The following FCHO2 variants were observed in gnomAD, a reference collection of about 807,000 sequenced individuals.
FCHO2 encodes FCH and mu domain containing endocytic adaptor 2.
In FCHO2, 43 loss-of-function variants were observed where a neutral mutation model predicts 114.1. The ratio of observed to expected loss-of-function variants is 0.38; its 90% confidence interval spans 0.30 to 0.49. FCHO2 has a LOEUF of 0.49. Among genes scored for constraint, FCHO2 ranks in the 20% least tolerant of loss-of-function variants. The pLI is 0.97. For missense variants in FCHO2, 807 were observed against 950.4 expected (o/e 0.85, Z 1.98); for synonymous variants, 293 against 315.2 (o/e 0.93, Z 0.75).
rs199818065 is a variant in FCHO2, at chr5:73,087,699, G to A, written c.2356G>A (p.Glu786Lys). 4.1e-4 allele frequency: 668 copies of A among 1,613,066 alleles called. 1 individual carries two copies. Among genetic ancestry groups the A allele is most frequent in the Admixed American group, 8.5e-4 (51 of 59,900 alleles). ...EGSTLSGVDFELVGTGYRLSL... is the reference protein window; with the variant it reads ...EGSTLSGVDFKLVGTGYRLSL... ...AAGTACCCTTTCAGGAGTAGATTTCGAACTTGTGGGCACTGGCTATAGGCT... is the reference window on the plus strand; with the variant it reads ...AAGTACCCTTTCAGGAGTAGATTTCAAACTTGTGGGCACTGGCTATAGGCT... Residue 786 changes from glutamate (E) to lysine (K), a missense_variant, in exon 25 of 26, where the codon GAA (glutamate) becomes AAA (lysine). Glu to Lys is a moderately conservative substitution (Grantham distance 56). Transcript: ENST00000430046.
intron 2 of FCHO2, among the ~76,000 whole-genome samples, chr5:72,981,564 A>G (rs1490573336): frequency 6.6e-6 from 1 of 152,160 alleles, no homozygotes; most frequent in Admixed American, 6.5e-5. Context: ...CATTCTCCCC[A>G]TCACTTTCAG....
chr5:73,043,642 T>A (rs1442839444), intron 11 of FCHO2, among the ~76,000 whole-genome samples: 2 of 152,242 alleles, frequency 1.3e-5, no homozygotes, highest in Admixed American at 1.3e-4. Flanking sequence ...GGGTAATAGA[T>A]GTTATAAAGG....
chr5:73,051,071 T>C, intron 11 of FCHO2: 3 of 335,816 alleles, frequency 8.9e-6, no homozygotes, highest in East Asian at 7.8e-5. Flanking sequence ...TCTGAATTGG[T>C]CCCCACCTCA....
intron 2 of FCHO2, among the ~76,000 whole-genome samples, chr5:72,976,696 A>G (rs1186277510): frequency 1.3e-5 from 2 of 152,048 alleles, no homozygotes; most frequent in Non-Finnish European, 2.9e-5. Flanking sequence ...ATAGGTATAC[A>G]TGTGCCATGG....
intron 19 of FCHO2, among the ~76,000 whole-genome samples, chr5:73,073,200 C>T (rs1742744120): frequency 6.6e-6 from 1 of 152,002 alleles, no homozygotes; most frequent in African/African-American, 2.4e-5. Flanking sequence ...TCACCTGATC[C>T]AAACTTGATT....
Position 72,992,704 on chromosome 5 carries a change from G to A in FCHO2, c.495+1840G>A, listed in dbSNP as rs888274001. 3.3e-5 allele frequency among the ~76,000 whole-genome samples: 5 copies of A among 152,158 alleles called. No individual in the cohort carries two copies. The South Asian group carries it at 1.0e-3, about 32-fold the overall frequency. Reference sequence around the variant, plus strand: ...AGACACAATCCTGACTTGAAATCAAGCCAAGGAATCATTTCATGACTATTT... The same window carrying A: ...AGACACAATCCTGACTTGAAATCAAACCAAGGAATCATTTCATGACTATTT... On this transcript the variant is annotated intron_variant, in intron 5 of 25. Coordinates refer to ENST00000430046, the MANE Select transcript of FCHO2 (RefSeq NM_138782.3).
intron 1 of FCHO2, among the ~76,000 whole-genome samples, chr5:72,958,115 G>T (rs1751655231): frequency 6.7e-6 from 1 of 150,044 alleles, no homozygotes; most frequent in Non-Finnish European, 1.5e-5. Flanking sequence ...CTCCCATTCT[G>T]TGGCCTGCCT....
intron 2 of FCHO2, among the ~76,000 whole-genome samples, chr5:72,982,565 G>A (rs1187254634): frequency 6.6e-6 from 1 of 152,098 alleles, no homozygotes; most frequent in African/African-American, 2.4e-5. Flanking sequence ...TTTGGGTTTG[G>A]AATACCTTTA....
chr5:73,050,825 C>T (rs1055766668), intron 11 of FCHO2, among the ~76,000 whole-genome samples: 1 of 152,116 alleles, frequency 6.6e-6, no homozygotes, highest in African/African-American at 2.4e-5. Flanking sequence ...TCTCATGACA[C>T]ACATGGTGTC....
chr5:72,974,560 A>G (rs1383187825), intron 2 of FCHO2, among the ~76,000 whole-genome samples: 1 of 151,152 alleles, frequency 6.6e-6, no homozygotes, highest in Non-Finnish European at 1.5e-5. Context: ...TGCTTGGTAG[A>G]TCTTCCTCCA....
intron 1 of FCHO2, among the ~76,000 whole-genome samples, chr5:72,956,878 T>A (rs748959716): frequency 2.0e-5 from 3 of 151,704 alleles, no homozygotes; most frequent in Non-Finnish European, 4.4e-5. Context: ...CCCGGTGGAG[T>A]ATTTTTCTGC....
intron 19 of FCHO2, among the ~76,000 whole-genome samples, chr5:73,074,243 T>G (rs1249720064): frequency 6.6e-6 from 1 of 151,712 alleles, no homozygotes; most frequent in Non-Finnish European, 1.5e-5. Flanking sequence ...TGAGGCAAAG[T>G]AATGTGGGAA....
intron 19 of FCHO2, among the ~76,000 whole-genome samples, chr5:73,073,663 T>C (rs1742776590): frequency 6.6e-6 from 1 of 152,072 alleles, no homozygotes; most frequent in Non-Finnish European, 1.5e-5. Flanking sequence ...ATCTCAGATT[T>C]AGTTGTGAGG....
chr5:72,972,934 G>A (rs1022089464), intron 2 of FCHO2, among the ~76,000 whole-genome samples: 1 of 152,138 alleles, frequency 6.6e-6, no homozygotes, highest in Admixed American at 6.5e-5. Flanking sequence ...TTTGTCAAAG[G>A]CCTTTTCTGC....
intron 17 of FCHO2, among the ~76,000 whole-genome samples, chr5:73,063,084 CCTT>C (rs1471014896): frequency 1.3e-5 from 2 of 151,764 alleles, no homozygotes; most frequent in Admixed American, 6.6e-5. Flanking sequence ...TTTTTTTACT[CCTT>C]CTTTGATTAT....
At chr5:72,979,452 C>A (rs576262558) in intron 2 of FCHO2, among the ~76,000 whole-genome samples, 2 of 115,524 alleles carry the variant, frequency 1.7e-5, no homozygotes, top group South Asian at 3.1e-4. Flanking sequence ...AGTGCAGTGG[C>A]GCGATCTCGG....
At chr5:73,017,373 C>A (rs1755361958) in intron 8 of FCHO2, 65 bp downstream of exon 8, 1 of 1,014,852 alleles carries the variant, frequency 9.9e-7, no homozygotes, top group Non-Finnish European at 1.4e-6. Flanking sequence ...ACATATTTGC[C>A]TTGAAGATCA....
rs1270677682 is a variant in FCHO2 at position 73,017,248 on chromosome 5, A to G, written c.736A>G (p.Thr246Ala). The G allele has an allele frequency of 2.6e-6, 4 of 1,561,040 alleles. No homozygotes were observed. Among genetic ancestry groups the G allele is most frequent in the African/African-American group, 2.7e-5 (2 of 73,410 alleles). Residue 246 changes from threonine (T) to alanine (A), a missense_variant, in exon 8 of 26, where the codon ACA becomes GCA. Transcript: ENST00000430046. Reference protein sequence around the residue: ...EEFINNMANTTVESLIQKFAE... With the variant: ...EEFINNMANTAVESLIQKFAE... ...ATTTATAAATAACATGGCTAATACT[A>G]CAGTTGAAAGTTTGATACAAAAATT...
In FCHO2 at chr5:73,006,560, T is replaced by C; in HGVS notation, c.600+11T>C. The C allele has an allele frequency of 6.7e-7, 1 of 1,488,470 alleles. No individual in the cohort carries two copies. The highest frequency in any genetic ancestry group is 1.4e-5 in the South Asian group (1 of 70,944). 92.2% of individuals were successfully genotyped at this position (1,488,470 alleles called of 1,614,324 possible). A position where few individuals can be genotyped will look rare whatever the true frequency, so the allele number is the denominator to read the frequency against. On this transcript the variant is annotated intron_variant, in intron 6 of 25. Transcript: ENST00000430046. ...ACAGAAACAGCTCAGGTTGGTATTTTAAGGCTTCAGATTGAAAACAGGGCA... is the reference window on the plus strand; with the variant it reads ...ACAGAAACAGCTCAGGTTGGTATTTCAAGGCTTCAGATTGAAAACAGGGCA...
Sources: allele counts gnomAD v4.1 joint callset (sites outside exome capture counted in the v4.1 genomes callset), GRCh38; gene constraint gnomAD v4.1.1; transcripts MANE v1.5; gene names NCBI Gene and HGNC (gene_info 2026-07-23, HGNC 2026-07-21).